HPGDS: variants seen among roughly 807,000 people sequenced by gnomAD.
The protein encoded by HPGDS is hematopoietic prostaglandin D synthase.
In HPGDS, 26 loss-of-function variants were observed where a neutral mutation model predicts 23.1. The ratio of observed to expected loss-of-function variants is 1.13; its 90% confidence interval spans 0.83 to 1.56. The LOEUF (loss-of-function observed/expected upper bound fraction) is 1.56. Ranked by LOEUF, HPGDS falls within the 40% of genes most tolerant of loss-of-function variation. The pLI is 0.00. For missense variants in HPGDS, 268 were observed against 236.4 expected, an observed-to-expected ratio of 1.13 and a Z score of -0.88; for synonymous variants, 95 against 77.9, an observed-to-expected ratio of 1.22 and a Z score of -1.16.
At chr4:94,325,499 C>A (rs1052015263) in intron 2 of HPGDS, among the ~76,000 whole-genome samples, 8 of 152,190 alleles carry the variant, frequency 5.3e-5, no homozygotes, top group African/African-American at 1.7e-4. Context: ...GCAGACACCC[C>A]TCCCCCAGCT....
intron 2 of HPGDS, among the ~76,000 whole-genome samples, chr4:94,323,854 A>T (rs1405269171): frequency 6.6e-6 from 1 of 152,110 alleles, no homozygotes; most frequent in Non-Finnish European, 1.5e-5. Context: ...TCTTCCTTGC[A>T]TTGATGGTCT....
chr4:94,322,786 A>G (rs1049236858), intron 2 of HPGDS, among the ~76,000 whole-genome samples: 2 of 151,716 alleles, frequency 1.3e-5, no homozygotes, highest in South Asian at 2.1e-4. Flanking sequence ...GATCTTACTT[A>G]TTTCTTGCCT....
chr4:94,321,645 A>T (rs1756511367), intron 2 of HPGDS, among the ~76,000 whole-genome samples: 1 of 152,214 alleles, frequency 6.6e-6, no homozygotes, highest in African/African-American at 2.4e-5. Context: ...GTTGCTTATC[A>T]GCTTAAGGAG....
At chr4:94,309,333 A>G (rs1297023609) in intron 3 of HPGDS, among the ~76,000 whole-genome samples, 1 of 129,894 alleles carries the variant, frequency 7.7e-6, no homozygotes, top group African/African-American at 3.0e-5. Context: ...ATGTGTTCTC[A>G]TGGTTCAATT....
chr4:94,305,400 AT>A (rs2126035414), intron 4 of HPGDS, among the ~76,000 whole-genome samples: 1 of 152,230 alleles, frequency 6.6e-6, no homozygotes, highest in African/African-American at 2.4e-5. Context: ...CACACCTTAC[AT>A]TTATATCATG....
rs1376690082 is a variant in HPGDS, at chr4:94,309,049, GC to G, written c.227-307del. Among the ~76,000 whole-genome samples, 223 of 31,208 alleles carry G rather than the reference GC, an allele frequency of 7.1e-3. 7 individuals are homozygous for G. Among genetic ancestry groups the G allele is most frequent in the Admixed American group, 0.059 (183 of 3,122 alleles). The allele number at this position is 31,208 out of a possible 152,430, so 20.5% of individuals were successfully genotyped here. A position where few individuals can be genotyped will look rare whatever the true frequency, so the allele number is the denominator to read the frequency against. On this transcript the variant is annotated intron_variant, in intron 3 of 5. Transcript: ENST00000295256. ...TTACAAGTACCCAAAGGGTGTACTT[GC>G]TTTTTTTTTTTTTTTTTTTTTTTTT...
In HPGDS at chr4:94,299,386, G is replaced by A. The variant is rs1755985389; in HGVS notation, c.*94C>T. 1.9e-6 allele frequency: 2 copies of A among 1,043,006 alleles called. No homozygotes were observed. The highest frequency in any genetic ancestry group is 3.2e-5 in the African/African-American group (2 of 62,450). The allele number at this position is 1,043,006 out of a possible 1,614,324, so 64.6% of individuals were successfully genotyped here. ...GAAAATCTTAGTGGAGCTGGGGAGG[G>A]AGCATGTGGATTATCTGGCAGGCTG... On this transcript the variant is annotated 3_prime_UTR_variant, in exon 6 of 6. Coordinates refer to ENST00000295256, the MANE Select transcript of HPGDS (RefSeq NM_014485.3).
At chr4:94,306,750 G>T (rs767657) in intron 4 of HPGDS, among the ~76,000 whole-genome samples, 57,292 of 151,834 alleles carry the variant, frequency 0.38, 11,806 homozygotes, top group East Asian at 0.7. Context: ...GGACTGATGA[G>T]AAATGCTTTC....
At chr4:94,322,412 G>A (rs1022652786) in intron 2 of HPGDS, among the ~76,000 whole-genome samples, 5 of 152,002 alleles carry the variant, frequency 3.3e-5, no homozygotes, top group Non-Finnish European at 5.9e-5. Context: ...TTGGTTGGTA[G>A]GCTATTAATT....
In HPGDS at chr4:94,325,851, C is replaced by A. The variant is rs1029070198; in HGVS notation, c.134-7886G>T. The stretch of plus-strand genomic sequence containing the variant: ...ACCTCAGTTGGAAATGCAGAAATCA[C>A]CCATCTTCTGCATCAGTCACGCTGG... On this transcript the variant is annotated intron_variant, in intron 2 of 5. Transcript: ENST00000295256. 2.6e-5 allele frequency among the ~76,000 whole-genome samples: 4 copies of A among 152,190 alleles called. No homozygotes were observed. In the South Asian group the frequency reaches 8.3e-4, roughly 32 times the overall value.
At chr4:94,317,320 C>G (rs74889900) in intron 3 of HPGDS, among the ~76,000 whole-genome samples, 3,759 of 152,212 alleles carry the variant, frequency 0.025, 102 homozygotes, top group African/African-American at 0.074. Flanking sequence ...AAAACAAGAA[C>G]AGTTTCTATT....
intron 3 of HPGDS, among the ~76,000 whole-genome samples, chr4:94,313,235 G>A (rs1408671961): frequency 1.3e-5 from 2 of 152,122 alleles, no homozygotes; most frequent in East Asian, 1.9e-4. Flanking sequence ...CCTAGCTTGG[G>A]TGGTCTTTAC....
Position 94,308,169 on chromosome 4 carries a change from C to T in HPGDS, c.336+465G>A, listed in dbSNP as rs543917436. Among the ~76,000 whole-genome samples the T allele has an allele frequency of 7.9e-5, 12 of 152,198 alleles. No individual in the cohort carries two copies. In the South Asian group the frequency reaches 2.5e-3, roughly 32 times the overall value. ...CAAAGGTAATTTTATACAGTATTTT[C>T]AATAATTTTGCACATTTGCTAAAGT... On this transcript the variant is annotated intron_variant, in intron 4 of 5. Coordinates refer to ENST00000295256, the MANE Select transcript of HPGDS (RefSeq NM_014485.3).
rs200485893 is a variant in HPGDS, at chr4:94,299,527, G to A, written c.553C>T (p.Pro185Ser). Residue 185 changes from proline (P) to serine (S), a missense_variant, in exon 6 of 6, where the codon CCT (proline) becomes TCT (serine). Physicochemically the swap from Pro to Ser is moderately conservative, Grantham distance 74 (BLOSUM62 -1). Transcript: ENST00000295256. ...VTLRKKVQAI[P>S]AVANWIKRRP... ...CGTTTTATCCAGTTAGCGACGGCAG[G>A]AATGGCTTGGACTTTCTTCCGTAAA... is the stretch of plus-strand genomic sequence containing the variant. 352 of 1,613,774 alleles carry A rather than the reference G, an allele frequency of 2.2e-4. No individual in the cohort carries two copies. The highest frequency in any genetic ancestry group is 2.8e-4 in the Non-Finnish European group (335 of 1,179,918).
At chr4:94,338,852 T>C (rs1257147649) in intron 1 of HPGDS, among the ~76,000 whole-genome samples, 1 of 152,164 alleles carries the variant, frequency 6.6e-6, no homozygotes, top group African/African-American at 2.4e-5. Flanking sequence ...CTTCGAGAGA[T>C]TCTACAGATA....
intron 2 of HPGDS, 45 bp downstream of exon 2, chr4:94,334,452 T>C (rs369961424): frequency 1.3e-6 from 2 of 1,507,462 alleles, no homozygotes; most frequent in Non-Finnish European, 1.8e-6. Flanking sequence ...AAACAAAAGG[T>C]TCTGAAAGCA....
At chr4:94,338,745 A>G (rs2126047037) in intron 1 of HPGDS, among the ~76,000 whole-genome samples, 1 of 152,318 alleles carries the variant, frequency 6.6e-6, no homozygotes, top group South Asian at 2.1e-4. Context: ...AGCTAATTCA[A>G]TAATGTAAGA....
chr4:94,306,974 A>G (rs980823057), intron 4 of HPGDS, among the ~76,000 whole-genome samples: 1 of 152,122 alleles, frequency 6.6e-6, no homozygotes, highest in Non-Finnish European at 1.5e-5. Flanking sequence ...AAACAAGATC[A>G]TACCAAGACT....
At chr4:94,330,253 G>A (rs1756712361) in intron 2 of HPGDS, among the ~76,000 whole-genome samples, 1 of 152,138 alleles carries the variant, frequency 6.6e-6, no homozygotes, top group Non-Finnish European at 1.5e-5. Context: ...GTAGAGTCAG[G>A]GATGGGAAAG....
Sources: allele counts gnomAD v4.1 joint callset (sites outside exome capture counted in the v4.1 genomes callset), GRCh38; gene constraint gnomAD v4.1.1; transcripts MANE v1.5; gene names NCBI Gene and HGNC (gene_info 2026-07-23, HGNC 2026-07-21).